The following RYR3 variants were observed in gnomAD, a reference collection of about 807,000 sequenced individuals.
RYR3 encodes the protein ryanodine receptor 3.
Under a neutral mutation model 584.3 loss-of-function variants are expected in RYR3, and 207 were observed. The observed-to-expected ratio is 0.35, with a 90% confidence interval of 0.32 to 0.40. RYR3 has a LOEUF of 0.40. Ranked by LOEUF, RYR3 falls within the 10% of genes least tolerant of loss-of-function variation. The pLI is 1.00. For missense variants in RYR3, 5,616 were observed against 6,089.2 expected, an observed-to-expected ratio of 0.92 and a Z score of 2.59; for synonymous variants, 2,416 against 2,248.5, an observed-to-expected ratio of 1.07 and a Z score of -2.11.
chr15:33,738,395 C>T, intron 49 of RYR3, 55 bp from the exon 50 acceptor site: 5 of 1,545,270 alleles, frequency 3.2e-6, no homozygotes, highest in Non-Finnish European at 4.4e-6. Context: ...GTTTTTGATG[C>T]CTGTGGACTT....
At chr15:33,810,359 T>C (rs2076454975) in intron 70 of RYR3, 120 bp from the exon 71 acceptor site, 2 of 872,786 alleles carry the variant, frequency 2.3e-6, no homozygotes, top group African/African-American at 1.7e-5. Flanking sequence ...TCCTTTGAAG[T>C]GTAGTAAGGC....
In RYR3 at chr15:33,832,807, C is replaced by G. The variant is rs550083305; in HGVS notation, c.11463+1716C>G. ...GGTGGATCACCTGAGGTCAGAAGTTCGAGAGCAGCCTGGCTAACATGGTGA... is the reference window on the plus strand; with the variant it reads ...GGTGGATCACCTGAGGTCAGAAGTTGGAGAGCAGCCTGGCTAACATGGTGA... On this transcript the variant is annotated intron_variant, in intron 86 of 103. Transcript: ENST00000634891. 7.6e-4 allele frequency among the ~76,000 whole-genome samples: 116 copies of G among 151,828 alleles called. 1 individual carries two copies. The highest frequency in any genetic ancestry group is 2.7e-4 in the African/African-American group (11 of 41,410).
At chr15:33,506,821 AC>A (rs2052527647) in intron 3 of RYR3, among the ~76,000 whole-genome samples, 1 of 152,142 alleles carries the variant, frequency 6.6e-6, no homozygotes, top group African/African-American at 2.4e-5. Context: ...ATTACTGTAC[AC>A]ATTTACTATT....
At position 33,788,273 on chromosome 15, in the gene RYR3, C is replaced by A; in HGVS notation, c.9645C>A (p.Phe3215Leu). Reference protein sequence around the residue: ...KARPDLLRSHFIPTLEKLKKK... With the variant: ...KARPDLLRSHLIPTLEKLKKK... ...GGCCCGACCTGCTGAGAAGCCACTT[C>A]ATCCCAACTCTGGAGAAGCTGAAGA... Residue 3215 changes from phenylalanine (F) to leucine (L), a missense_variant, in exon 67 of 104, where the codon TTC (phenylalanine) becomes TTA (leucine). Around this residue, in one of 9 missense-constraint regions of RYR3, gnomAD observed 954 missense variants for 1,132.2 expected, o/e 0.84. Transcript: ENST00000634891. 6.2e-7 allele frequency: 1 copy of A among 1,614,018 alleles called. No individual in the cohort carries two copies. The highest frequency in any genetic ancestry group is 8.5e-7 in the Non-Finnish European group (1 of 1,179,874).
chr15:33,415,581 GAAAGACCGTGAGACCACTGCAAGC>G lies in RYR3; in HGVS notation c.52-57818_52-57795del, dbSNP rs544921710. On this transcript the variant is annotated intron_variant, in intron 1 of 103. Coordinates refer to ENST00000634891, the MANE Select transcript of RYR3 (RefSeq NM_001036.6). ...ACCAGTGCTATAGGAGAACAGAGGA[GAAAGACCGTGAGACCACTGCAAGC>G]AAAGACCGTGAGACCACTGAGTGGG... is the stretch of plus-strand genomic sequence containing the variant. Among the ~76,000 whole-genome samples the G allele has an allele frequency of 1.3e-3, 204 of 152,242 alleles. 1 individual carries two copies. The highest frequency in any genetic ancestry group is 4.4e-3 in the African/African-American group (182 of 41,542).
chr15:33,707,334 C>A (rs1159931835), intron 43 of RYR3, among the ~76,000 whole-genome samples: 1 of 152,082 alleles, frequency 6.6e-6, no homozygotes, highest in Non-Finnish European at 1.5e-5. Context: ...TCTCTCTGCA[C>A]TGTAAAAGGG....
At chr15:33,756,435 A>G in intron 59 of RYR3, 62 bp downstream of exon 59, 3 of 1,176,970 alleles carry the variant, frequency 2.5e-6, no homozygotes, top group Non-Finnish European at 2.5e-6. Flanking sequence ...TTTAGGAAAC[A>G]GGTTAAGTGG....
chr15:33,673,140 T>C (rs532736437), intron 38 of RYR3, among the ~76,000 whole-genome samples: 3 of 152,370 alleles, frequency 2.0e-5, no homozygotes, highest in South Asian at 4.1e-4. Context: ...TTATCTTGCC[T>C]ACTACATCTG....
At chr15:33,330,070 T>C (rs1970196711) in intron 1 of RYR3, among the ~76,000 whole-genome samples, 1 of 152,158 alleles carries the variant, frequency 6.6e-6, no homozygotes, top group African/African-American at 2.4e-5. Context: ...AGAACAGTCA[T>C]AAGTCAGACT....
Position 33,584,380 on chromosome 15 carries a change from TC to T in RYR3, c.1574-14del. The T allele has an allele frequency of 1.3e-6, 2 of 1,488,764 alleles. No homozygotes were observed. The highest frequency in any genetic ancestry group is 1.9e-6 in the Non-Finnish European group (2 of 1,070,732). The allele number at this position is 1,488,764 out of a possible 1,614,324, so 92.2% of individuals were successfully genotyped here. On this transcript the variant is annotated splice_polypyrimidine_tract_variant and intron_variant, in intron 14 of 103. Transcript: ENST00000634891. ...ATCCTTTAACCTCTATGATCAAACA[TC>T]TCCTTGTTTGCAGCTGCTCTCATTC...
chr15:33,318,547 A>C (rs557604493), intron 1 of RYR3, among the ~76,000 whole-genome samples: 35 of 152,336 alleles, frequency 2.3e-4, no homozygotes, highest in Non-Finnish European at 3.5e-4. Flanking sequence ...GAGAGGGGCA[A>C]GCCTGAGTAG....
chr15:33,366,369 T>G (rs577777619), intron 1 of RYR3, among the ~76,000 whole-genome samples: 3 of 152,258 alleles, frequency 2.0e-5, no homozygotes, highest in African/African-American at 7.2e-5. Flanking sequence ...AAGCTGCAGA[T>G]GGCATAAAGC....
intron 1 of RYR3, among the ~76,000 whole-genome samples, chr15:33,453,292 G>A (rs1009700716): frequency 3.3e-5 from 5 of 152,102 alleles, no homozygotes; most frequent in Non-Finnish European, 5.9e-5. Flanking sequence ...ATTCTATGTC[G>A]ATTTACCTCT....
intron 12 of RYR3, among the ~76,000 whole-genome samples, chr15:33,567,804 A>T (rs574678646): frequency 6.6e-6 from 1 of 152,320 alleles, no homozygotes; most frequent in African/African-American, 2.4e-5. Context: ...CCTCAGAATA[A>T]GATCCAGCAA....
At chr15:33,413,723 C>A (rs1055325508) in intron 1 of RYR3, among the ~76,000 whole-genome samples, 2 of 152,212 alleles carry the variant, frequency 1.3e-5, no homozygotes, top group Non-Finnish European at 1.5e-5. Context: ...CCTGTTCCCC[C>A]CCGCTCAGCT....
chr15:33,634,746 G>C lies in RYR3; in HGVS notation c.3175+13G>C. ...GACCAAGAACTAGGTAATGAGTTGA[G>C]AGTGTTTATTCTGGCCCCAGTTTAC... On this transcript the variant is annotated intron_variant, in intron 25 of 103. Coordinates refer to ENST00000634891, the MANE Select transcript of RYR3 (RefSeq NM_001036.6). The C allele has an allele frequency of 1.2e-6, 2 of 1,613,150 alleles. No individual in the cohort carries two copies. The highest frequency in any genetic ancestry group is 1.1e-5 in the South Asian group (1 of 91,044).
Position 33,709,825 on chromosome 15 carries a change from T to C in RYR3, c.6619+2771T>C, listed in dbSNP as rs115676556. On this transcript the variant is annotated intron_variant, in intron 43 of 103. Coordinates refer to ENST00000634891, the MANE Select transcript of RYR3 (RefSeq NM_001036.6). ...AAGATACCTTAGTCTGGAGGGTAGA[T>C]GCATGGATGGCACTGGTAAGACATG... is the stretch of plus-strand genomic sequence containing the variant. 7.1e-3 allele frequency among the ~76,000 whole-genome samples: 1,087 copies of C among 152,322 alleles called. 12 individuals are homozygous for C. The highest frequency in any genetic ancestry group is 0.025 in the African/African-American group (1,034 of 41,562).
At chr15:33,834,291 C>CACACAA (rs965526074) in intron 86 of RYR3, among the ~76,000 whole-genome samples, 2 of 139,114 alleles carry the variant, frequency 1.4e-5, no homozygotes, top group African/African-American at 5.4e-5. Context: ...CTTAAACACA[C>CACACAA]ACACACACAC....
At chr15:33,440,616 C>T (rs945133868) in intron 1 of RYR3, among the ~76,000 whole-genome samples, 2 of 152,112 alleles carry the variant, frequency 1.3e-5, no homozygotes, top group African/African-American at 2.4e-5. Flanking sequence ...ATGTCAGTAG[C>T]GCTAACTTTA....
Sources: allele counts gnomAD v4.1 joint callset (sites outside exome capture counted in the v4.1 genomes callset), GRCh38; gene constraint gnomAD v4.1.1; regional missense constraint gnomAD v4.1.1; transcripts MANE v1.5; gene names NCBI Gene and HGNC (gene_info 2026-07-23, HGNC 2026-07-21).